Variants in FRMPD4 observed in about 807,000 individuals in gnomAD.
The protein encoded by FRMPD4 is FERM and PDZ domain-containing protein 4.
Under a neutral mutation model 94.1 loss-of-function variants are expected in FRMPD4, and 22 were observed. That is an observed-to-expected ratio of 0.23 (90% CI 0.17 to 0.33). The LOEUF is 0.33. Among genes scored for constraint, FRMPD4 ranks in the 10% least tolerant of loss-of-function variants. The pLI, the probability that FRMPD4 is intolerant of heterozygous loss-of-function variation, is 1.00. For synonymous variants in FRMPD4, 631 were observed against 548.6 expected (o/e 1.15, Z -2.10); for missense variants, 1,111 against 1,339.9 (o/e 0.83, Z 2.67).
At chrX:11,906,505 G>GT (rs1374398728) in intron 3 of FRMPD4, among the ~76,000 whole-genome samples, 4 of 111,686 alleles carry the variant, frequency 3.6e-5, no homozygotes, top group East Asian at 5.6e-4. Context: ...TTGGCTGACA[G>GT]TTTTTTTGTG....
intron 1 of FRMPD4, among the ~76,000 whole-genome samples, chrX:12,169,811 T>A (rs1237310169): frequency 8.9e-6 from 1 of 112,755 alleles, no homozygotes; most frequent in African/African-American, 3.2e-5. Flanking sequence ...TTAAGCTGTT[T>A]GTAAGATTTT....
chrX:12,639,079 G>T (rs1332777633), intron 4 of FRMPD4, among the ~76,000 whole-genome samples: 1 of 111,377 alleles, frequency 9.0e-6, no homozygotes, highest in Non-Finnish European at 1.9e-5. Flanking sequence ...GGATACTGTT[G>T]GTATGAATCA....
intron 1 of FRMPD4, among the ~76,000 whole-genome samples, chrX:12,243,790 CTTTTTTTTTTTTTTTTT>C (rs148889684): frequency 1.3e-4 from 3 of 22,928 alleles, no homozygotes; most frequent in East Asian, 1.5e-3. Flanking sequence ...ATCTAAAGGG[CTTTTTTTTTTTTTTTTT>C]TTTTTTTTTT....
At chrX:12,644,780 G>A (rs746919401) in intron 4 of FRMPD4, among the ~76,000 whole-genome samples, 14 of 111,912 alleles carry the variant, frequency 1.3e-4, no homozygotes, top group Non-Finnish European at 2.4e-4. Flanking sequence ...TCAAATTCAA[G>A]CTGAAAGTAC....
chrX:11,975,824 A>G (rs959674614), intron 3 of FRMPD4, among the ~76,000 whole-genome samples: 4 of 112,004 alleles, frequency 3.6e-5, no homozygotes, highest in African/African-American at 6.5e-5. Context: ...CTTAAGTGCT[A>G]TCCCTGAAAA....
chrX:12,204,973 T>G (rs1467267948), intron 1 of FRMPD4, among the ~76,000 whole-genome samples: 1 of 110,131 alleles, frequency 9.1e-6, no homozygotes, highest in Non-Finnish European at 1.9e-5. Context: ...AATTGCTTCA[T>G]GCCGAAGGAG....
At chrX:12,569,365 A>C (rs1480981627) in intron 2 of FRMPD4, among the ~76,000 whole-genome samples, 4 of 112,144 alleles carry the variant, frequency 3.6e-5, no homozygotes, top group African/African-American at 1.3e-4. Context: ...TGTAATTAAT[A>C]TTAAAATGCT....
intron 3 of FRMPD4, among the ~76,000 whole-genome samples, chrX:11,983,425 A>G (rs1301901460): frequency 1.8e-5 from 2 of 111,973 alleles, no homozygotes; most frequent in Non-Finnish European, 3.8e-5. Context: ...GAATCCTGAG[A>G]GGATAAAGTT....
At chrX:12,485,374 C>G (rs2057728800) in intron 1 of FRMPD4, among the ~76,000 whole-genome samples, 1 of 111,762 alleles carries the variant, frequency 8.9e-6, no homozygotes, top group South Asian at 3.7e-4. Context: ...AGATGAGTTC[C>G]AAGATATGAT....
At chrX:12,629,340 G>A (rs2059374979) in intron 4 of FRMPD4, among the ~76,000 whole-genome samples, 1 of 112,116 alleles carries the variant, frequency 8.9e-6, no homozygotes, top group Non-Finnish European at 1.9e-5. Context: ...GTATGGGGGT[G>A]GGAGGGAAAC....
At chrX:12,631,223 C>G (rs1368723320) in intron 4 of FRMPD4, among the ~76,000 whole-genome samples, 1 of 111,579 alleles carries the variant, frequency 9.0e-6, no homozygotes, top group Admixed American at 9.5e-5. Flanking sequence ...TTGCCAGTCT[C>G]TGCACACATT....
chrX:11,963,446 C>T (rs2054293987), intron 3 of FRMPD4, among the ~76,000 whole-genome samples: 1 of 112,327 alleles, frequency 8.9e-6, no homozygotes, highest in Admixed American at 9.4e-5. Flanking sequence ...CAGGCACATC[C>T]TGCTAAAATA....
chrX:12,528,974 A>G (rs2058256841), intron 2 of FRMPD4, among the ~76,000 whole-genome samples: 1 of 112,438 alleles, frequency 8.9e-6, no homozygotes, highest in Admixed American at 9.4e-5. Context: ...TTAGTTATCT[A>G]TTGCTGCATA....
intron 3 of FRMPD4, among the ~76,000 whole-genome samples, chrX:11,878,101 A>G (rs928804848): frequency 3.8e-4 from 43 of 112,147 alleles, no homozygotes; most frequent in African/African-American, 1.4e-3. Context: ...AGTAGGATGA[A>G]TTTATTTGGA....
At chrX:12,311,709 A>G (rs142465259) in intron 1 of FRMPD4, among the ~76,000 whole-genome samples, 1,268 of 109,937 alleles carry the variant, frequency 0.012, 8 homozygotes, top group Non-Finnish European at 0.019. Flanking sequence ...ATTTTCTCTT[A>G]GCTCATTAAG....
At position 12,111,411 on chromosome X, in the gene FRMPD4, A is replaced by C. The variant is rs1285510834; in HGVS notation, c.95+233393A>C. 7.2e-5 allele frequency among the ~76,000 whole-genome samples: 8 copies of C among 111,839 alleles called. 1 individual carries two copies. The Admixed American group carries it at 7.6e-4, about 11-fold the overall frequency. On this transcript the variant is annotated intron_variant, in intron 3 of 18. Coordinates refer to the FRMPD4 transcript ENST00000640291. ...GATCCCTTCCTTACACGTTATACAA[A>C]AATTAATTCAAGATGGATTAAAGAC...
rs183821774 is a variant in FRMPD4, at chrX:11,848,486, A to T, written c.-160-16600A>T. ...GTGGGCTAGGGAATATATTCAGTCCATTTTTAAGTCTTCCCCAGCCTGTGT... is the reference window on the plus strand; with the variant it reads ...GTGGGCTAGGGAATATATTCAGTCCTTTTTTAAGTCTTCCCCAGCCTGTGT... On this transcript the variant is annotated intron_variant, in intron 1 of 18. Coordinates refer to the FRMPD4 transcript ENST00000640291. 1.4e-3 allele frequency among the ~76,000 whole-genome samples: 149 copies of T among 105,228 alleles called. 2 individuals are homozygous for T. In the East Asian group the frequency reaches 0.021, roughly 15 times the overall value. 91.4% of individuals were successfully genotyped at this position (105,228 alleles called of 115,157 possible).
At chrX:12,470,298 C>T (rs2057495733) in intron 1 of FRMPD4, among the ~76,000 whole-genome samples, 1 of 111,911 alleles carries the variant, frequency 8.9e-6, no homozygotes, top group Admixed American at 9.5e-5. Context: ...TCTGTACTAG[C>T]TTTCCCCCCA....
At chrX:11,993,956 T>C (rs2054481052) in intron 3 of FRMPD4, among the ~76,000 whole-genome samples, 1 of 111,562 alleles carries the variant, frequency 9.0e-6, no homozygotes, top group African/African-American at 3.3e-5. Flanking sequence ...GAGTGATTTA[T>C]GTACTAATAG....
Sources: allele counts gnomAD v4.1 joint callset (sites outside exome capture counted in the v4.1 genomes callset), GRCh38; gene constraint gnomAD v4.1.1; transcripts MANE v1.5; gene names NCBI Gene and HGNC (gene_info 2026-07-23, HGNC 2026-07-21).